Variants in MTMR14 observed in about 807,000 individuals in gnomAD.
The protein encoded by MTMR14 is phosphatidylinositol-3,5-bisphosphate 3-phosphatase MTMR14.
MTMR14 carries 48 observed loss-of-function variants against 86.3 expected under a neutral mutation model. The observed-to-expected ratio is 0.56, with a 90% CI of 0.44 to 0.71. MTMR14 has a LOEUF of 0.71. Ranked by LOEUF, MTMR14 falls within the 30% of genes least tolerant of loss-of-function variation. MTMR14 has a pLI of 0.00. For missense variants in MTMR14, 780 were observed against 834.6 expected (o/e 0.93, Z 0.81); for synonymous variants, 366 against 326.1 (o/e 1.12, Z -1.32).
Position 9,701,866 on chromosome 3 carries a change from G to C in MTMR14, c.1846G>C (p.Val616Leu). ...SAFLAAYSST[V>L]GLRAVAPSPS... ...CTTCTTGGCTGCGTACAGCAGCACA[G>C]TGGGGCTTCGGGCAGTAGCCCCCAG... is the stretch of plus-strand genomic sequence containing the variant. The change falls in exon 19 of 19, where the codon GTG (valine) becomes CTG (leucine). Residue 616 changes from valine to leucine, a missense_variant. Transcript: ENST00000296003. The surrounding 1 kb of genome is among the most constrained non-coding windows in gnomAD (Gnocchi z 4.2). The C allele has an allele frequency of 6.2e-7, 1 of 1,614,006 alleles. No individual in the cohort carries two copies. The highest frequency in any genetic ancestry group is 8.5e-7 in the Non-Finnish European group (1 of 1,180,058).
Position 9,668,813 on chromosome 3 carries a change from C to T in MTMR14, c.493+19C>T. 1 of 1,612,764 alleles carries T rather than the reference C, an allele frequency of 6.2e-7. No individual in the cohort carries two copies. Among genetic ancestry groups the T allele is most frequent in the Non-Finnish European group, 8.5e-7 (1 of 1,178,784 alleles). On this transcript the variant is annotated intron_variant, in intron 4 of 18. Coordinates refer to ENST00000296003, the MANE Select transcript of MTMR14 (RefSeq NM_001077525.3). ...TTCTCAGGTGAATGTTGAACAGCAT[C>T]CTCTGATGTAGAATGAGAACCCAGT...
At chr3:9,662,103 A>G (rs894004757) in intron 2 of MTMR14, among the ~76,000 whole-genome samples, 164 bp from the exon 3 acceptor site, 2 of 151,248 alleles carry the variant, frequency 1.3e-5, no homozygotes, top group Non-Finnish European at 1.5e-5. Context: ...AAATAGATAG[A>G]TAGACAGACA....
At chr3:9,666,985 A>G (rs981014362) in intron 3 of MTMR14, among the ~76,000 whole-genome samples, 1 of 152,232 alleles carries the variant, frequency 6.6e-6, no homozygotes, top group African/African-American at 2.4e-5. Context: ...GACTTGGCCA[A>G]CTTGTTTTTC....
intron 13 of MTMR14, among the ~76,000 whole-genome samples, chr3:9,686,179 G>A (rs762551625): frequency 3.3e-5 from 5 of 152,046 alleles, no homozygotes; most frequent in South Asian, 2.1e-4. Flanking sequence ...CACTTATCGC[G>A]TCTGCCAGGG....
At chr3:9,683,157 C>T (rs758354846) in intron 9 of MTMR14, 21 bp from the exon 10 acceptor site, 39 of 1,610,490 alleles carry the variant, frequency 2.4e-5, no homozygotes, top group Non-Finnish European at 3.2e-5. Flanking sequence ...ATGTCCATTT[C>T]TTCTCACTTT....
intron 13 of MTMR14, 140 bp downstream of exon 13, chr3:9,685,387 AGGCAGCGT>A (rs1304308246): frequency 9.5e-7 from 1 of 1,050,300 alleles, no homozygotes; most frequent in African/African-American, 1.6e-5. Flanking sequence ...TCTCCTCCTG[AGGCAGCGT>A]GGCAGGACAG....
intron 7 of MTMR14, among the ~76,000 whole-genome samples, chr3:9,676,900 A>G (rs1312115468): frequency 6.6e-6 from 1 of 152,158 alleles, no homozygotes; most frequent in Admixed American, 6.5e-5. Flanking sequence ...ATTTGCCCCC[A>G]TTTTAGAGAA....
intron 2 of MTMR14, 164 bp downstream of exon 2, chr3:9,653,933 G>GT: frequency 1.1e-6 from 1 of 913,534 alleles, no homozygotes; most frequent in South Asian, 1.4e-5. Flanking sequence ...GACTGGCAAG[G>GT]TGGCATGGCA....
Position 9,672,704 on chromosome 3 carries a change from G to A in MTMR14, c.697G>A (p.Val233Met). 1 of 1,614,186 alleles carries A rather than the reference G, an allele frequency of 6.2e-7. No homozygotes were observed. The highest frequency in any genetic ancestry group is 8.5e-7 in the Non-Finnish European group (1 of 1,180,032). The change falls in exon 7 of 19, where the codon GTG becomes ATG. Residue 233 changes from valine to methionine, a missense_variant. Physicochemically the swap from Val to Met is conservative, Grantham distance 21. Transcript: ENST00000296003. ...FGMNVTSSEK[V>M]DKAQRYADFT... The stretch of plus-strand genomic sequence containing the variant: ...TTGTAGTGTAACCTCCTCTGAGAAG[G>A]TGGACAAAGCCCAGCGCTATGCCGA...
In MTMR14 at chr3:9,689,064, C is replaced by T. The variant is rs200047168; in HGVS notation, c.1415C>T (p.Ala472Val). Residue 472 changes from alanine (A) to valine (V), a missense_variant, in exon 16 of 19, where the codon GCG (alanine) becomes GTG (valine). Physicochemically the swap from Ala to Val is moderately conservative, Grantham distance 64 (BLOSUM62 0). Coordinates refer to ENST00000296003, the MANE Select transcript of MTMR14 (RefSeq NM_001077525.3). ...YEAVELVPAG[A>V]PTQAAWRKSH... ...GCCGTGGAGCTGGTCCCAGCAGGAG[C>T]GCCAACTCAGGCAGCTTGGTAAGGG... 5.0e-6 allele frequency: 8 copies of T among 1,612,500 alleles called. No homozygotes were observed. The highest frequency in any genetic ancestry group is 5.9e-6 in the Non-Finnish European group (7 of 1,180,028).
At chr3:9,670,129 TACC>T (rs1250914451) in intron 5 of MTMR14, among the ~76,000 whole-genome samples, 3 of 152,266 alleles carry the variant, frequency 2.0e-5, no homozygotes, top group Non-Finnish European at 2.9e-5. Context: ...GCATGGTCTG[TACC>T]ACATGGAAAG....
At chr3:9,650,626 A>G (rs1275305809) in intron 1 of MTMR14, 3 of 263,694 alleles carry the variant, frequency 1.1e-5, no homozygotes, top group Non-Finnish European at 2.4e-5. Context: ...CAAATGGCCA[A>G]GTAATTTTTC....
Position 9,701,818 on chromosome 3 carries a change from C to G in MTMR14, c.1798C>G (p.Arg600Gly), listed in dbSNP as rs368605936. The change falls in exon 19 of 19, where the codon CGG becomes GGG. Residue 600 changes from arginine (R) to glycine (G), a missense_variant. Physicochemically the swap from Arg to Gly is moderately radical, Grantham distance 125 (BLOSUM62 -2). Coordinates refer to ENST00000296003, the MANE Select transcript of MTMR14 (RefSeq NM_001077525.3). The surrounding 1 kb of genome is among the most constrained non-coding windows in gnomAD (Gnocchi z 4.2). ...LLAALSDRET[R>G]LQEVRSAFLA... ...TGCAGCCCTGAGTGATCGAGAGACT[C>G]GGCTGCAGGAGGTGCGCTCAGCCTT... 3.1e-6 allele frequency: 5 copies of G among 1,613,776 alleles called. No individual in the cohort carries two copies. In the Admixed American group the frequency reaches 6.7e-5, roughly 22 times the overall value.
chr3:9,675,533 T>A (rs2075538726), intron 7 of MTMR14: 1 of 456,430 alleles, frequency 2.2e-6, no homozygotes, highest in Non-Finnish European at 4.4e-6. Flanking sequence ...CTGGGATCGT[T>A]TCTTTCAGCA....
rs375099196 is a variant in MTMR14 at position 9,660,986 on chromosome 3, G to A, written c.309-1281G>A. Among the ~76,000 whole-genome samples, 7 of 152,176 alleles carry A rather than the reference G, an allele frequency of 4.6e-5. No individual in the cohort carries two copies. In the East Asian group the frequency reaches 7.7e-4, roughly 17 times the overall value. ...GAGCGGACCCTTATTTTAGGGAAGCGTGATTTGATATGGGTATGACTTGCT... is the reference window on the plus strand; with the variant it reads ...GAGCGGACCCTTATTTTAGGGAAGCATGATTTGATATGGGTATGACTTGCT... On this transcript the variant is annotated intron_variant, in intron 2 of 18. Coordinates refer to ENST00000296003, the MANE Select transcript of MTMR14 (RefSeq NM_001077525.3).
intron 17 of MTMR14, among the ~76,000 whole-genome samples, chr3:9,694,227 G>A (rs544673415): frequency 3.9e-5 from 6 of 152,300 alleles, no homozygotes; most frequent in African/African-American, 1.4e-4. Flanking sequence ...GGTTTCCGTC[G>A]TAGCTTTGCA....
At chr3:9,659,162 G>A (rs956368291) in intron 2 of MTMR14, among the ~76,000 whole-genome samples, 1 of 152,150 alleles carries the variant, frequency 6.6e-6, no homozygotes, top group African/African-American at 2.4e-5. Flanking sequence ...CTGAGCCCAG[G>A]AGGTCAGCTG....
At chr3:9,683,302 C>T in intron 10 of MTMR14, 58 bp downstream of exon 10, 1 of 1,487,862 alleles carries the variant, frequency 6.7e-7, no homozygotes, top group Non-Finnish European at 9.4e-7. Context: ...GTTCCCAGTT[C>T]ATTCTGCCTC....
At position 9,685,264 on chromosome 3, in the gene MTMR14, C is replaced by A. The variant is rs200156102; in HGVS notation, c.1164+17C>A. The A allele has an allele frequency of 1.2e-6, 2 of 1,613,894 alleles. No individual in the cohort carries two copies. The highest frequency in any genetic ancestry group is 2.2e-5 in the South Asian group (2 of 91,062). On this transcript the variant is annotated intron_variant, in intron 13 of 18. Transcript: ENST00000296003. ...GGGGAGGAGGTGAGTATACCACCTACGACTTGTGGGCACAGCTCAGCACTG... is the reference window on the plus strand; with the variant it reads ...GGGGAGGAGGTGAGTATACCACCTAAGACTTGTGGGCACAGCTCAGCACTG...
Sources: gnomAD v4.1 joint callset for allele counts (sites outside exome capture counted in the v4.1 genomes callset) on GRCh38, gnomAD v4.1.1 for gene constraint, Gnocchi (gnomAD v3.1) non-coding constraint, MANE v1.5 for transcripts, NCBI Gene and HGNC (gene_info 2026-07-23, HGNC 2026-07-21) for gene names.